Variants in CSMD3 observed in about 807,000 individuals in gnomAD.
CSMD3 encodes CUB and Sushi multiple domains 3, also known as CUB and sushi domain-containing protein 3.
A neutral mutation model predicts 435.2 loss-of-function variants in CSMD3; 177 were observed. The observed-to-expected ratio is 0.41, with a 90% CI of 0.36 to 0.46. CSMD3 has a LOEUF of 0.46. Ranked by LOEUF, CSMD3 falls within the 20% of genes least tolerant of loss-of-function variation. The probability of loss-of-function intolerance (pLI) is 0.34; values close to 1 mark genes in which losing one functional copy is unlikely to be tolerated. For synonymous variants in CSMD3, 1,656 were observed against 1,520.5 expected (o/e 1.09, Z -2.07); for missense variants, 4,265 against 4,504.6 (o/e 0.95, Z 1.52).
intron 60 of CSMD3, 115 bp downstream of exon 60, chr8:112,265,296 T>C: frequency 1.8e-6 from 1 of 569,624 alleles, no homozygotes; most frequent in African/African-American, 1.9e-5. Flanking sequence ...ACTAGAAAAA[T>C]AAATGCAACC....
intron 38 of CSMD3, among the ~76,000 whole-genome samples, chr8:112,375,542 C>A (rs1444142680): frequency 2.0e-5 from 3 of 151,906 alleles, no homozygotes; most frequent in Non-Finnish European, 4.4e-5. Flanking sequence ...ATTATTAGCA[C>A]CTATTATGTG....
intron 4 of CSMD3, among the ~76,000 whole-genome samples, chr8:113,116,115 C>A (rs1477739473): frequency 6.6e-6 from 1 of 151,960 alleles, no homozygotes. Flanking sequence ...TTTCTTATAT[C>A]AGGATTAATA....
chr8:113,213,286 A>G (rs1453699250), intron 3 of CSMD3, among the ~76,000 whole-genome samples: 1 of 152,124 alleles, frequency 6.6e-6, no homozygotes, highest in African/African-American at 2.4e-5. Flanking sequence ...GCAGGGCATA[A>G]AAGATCAGAG....
At chr8:113,084,990 T>C (rs1338907029) in intron 5 of CSMD3, among the ~76,000 whole-genome samples, 1 of 152,076 alleles carries the variant, frequency 6.6e-6, no homozygotes, top group African/African-American at 2.4e-5. Flanking sequence ...GACTTAAATG[T>C]GTAAGACCAG....
chr8:113,207,613 C>T (rs1015174966), intron 3 of CSMD3, among the ~76,000 whole-genome samples: 3 of 151,990 alleles, frequency 2.0e-5, no homozygotes, highest in African/African-American at 7.3e-5. Context: ...AAACTCCTGA[C>T]CTCAGATGAT....
intron 1 of CSMD3, among the ~76,000 whole-genome samples, chr8:113,399,042 G>A (rs1275393697): frequency 7.3e-6 from 1 of 137,148 alleles, no homozygotes; most frequent in East Asian, 2.1e-4. Context: ...AGTAATTAGG[G>A]AAGGTAAAAT....
chr8:112,891,329 T>C (rs1245368940), intron 10 of CSMD3, among the ~76,000 whole-genome samples: 2 of 151,680 alleles, frequency 1.3e-5, no homozygotes, highest in Admixed American at 1.3e-4. Context: ...CACTCTGCCA[T>C]AGAGCCTCCT....
chr8:113,228,531 A>C (rs1471205665), intron 3 of CSMD3, among the ~76,000 whole-genome samples: 1 of 151,460 alleles, frequency 6.6e-6, no homozygotes, highest in Non-Finnish European at 1.5e-5. Flanking sequence ...GAATGCCATG[A>C]AAAGGGATTT....
At chr8:112,997,344 C>T (rs928601575) in intron 6 of CSMD3, among the ~76,000 whole-genome samples, 1 of 151,574 alleles carries the variant, frequency 6.6e-6, no homozygotes, top group African/African-American at 2.4e-5. Context: ...ATCTGTCTTA[C>T]CACATTTTAA....
At chr8:112,296,960 G>T (rs944710438) in intron 53 of CSMD3, among the ~76,000 whole-genome samples, 3 of 151,736 alleles carry the variant, frequency 2.0e-5, no homozygotes, top group African/African-American at 7.2e-5. Flanking sequence ...ACAGCTTTAT[G>T]CCAATACATT....
intron 27 of CSMD3, among the ~76,000 whole-genome samples, chr8:112,543,295 G>A (rs1439504271): frequency 2.6e-5 from 4 of 151,988 alleles, no homozygotes; most frequent in Non-Finnish European, 4.4e-5. Flanking sequence ...CAATCAACAG[G>A]GTGAAATGGC....
intron 61 of CSMD3, among the ~76,000 whole-genome samples, chr8:112,262,271 T>C (rs965979315): frequency 1.3e-5 from 2 of 152,152 alleles, no homozygotes; most frequent in Non-Finnish European, 2.9e-5. Flanking sequence ...ATATCACATA[T>C]GTATAAATGG....
chr8:112,880,626 G>C (rs1467016252), intron 10 of CSMD3, among the ~76,000 whole-genome samples: 1 of 152,040 alleles, frequency 6.6e-6, no homozygotes, highest in Non-Finnish European at 1.5e-5. Context: ...ATCTAAGGTC[G>C]TTGGGATTTG....
intron 3 of CSMD3, among the ~76,000 whole-genome samples, chr8:113,271,825 C>T (rs1392585277): frequency 6.6e-6 from 1 of 152,096 alleles, no homozygotes; most frequent in African/African-American, 2.4e-5. Context: ...GCTGCAGACC[C>T]TCAATGCCAG....
chr8:112,575,647 A>G (rs1358605382), intron 23 of CSMD3, among the ~76,000 whole-genome samples: 2 of 152,126 alleles, frequency 1.3e-5, no homozygotes, highest in Non-Finnish European at 2.9e-5. Flanking sequence ...TCTGTCTTCA[A>G]CAAAACCAAA....
intron 6 of CSMD3, among the ~76,000 whole-genome samples, chr8:113,014,169 G>A (rs1007704999): frequency 1.3e-5 from 2 of 152,150 alleles, no homozygotes; most frequent in African/African-American, 4.8e-5. Flanking sequence ...GTTAGTCACA[G>A]CTAACGTTCC....
chr8:113,267,725 A>G (rs2093483431), intron 3 of CSMD3, among the ~76,000 whole-genome samples: 1 of 151,846 alleles, frequency 6.6e-6, no homozygotes, highest in Non-Finnish European at 1.5e-5. Flanking sequence ...TATTGTACCC[A>G]GATGATGGCC....
intron 10 of CSMD3, among the ~76,000 whole-genome samples, chr8:112,905,267 T>G (rs1238148475): frequency 1.3e-5 from 2 of 150,772 alleles, no homozygotes; most frequent in African/African-American, 4.9e-5. Context: ...ACAAATCAAT[T>G]TATTAGACAA....
intron 13 of CSMD3, among the ~76,000 whole-genome samples, chr8:112,732,653 T>G (rs2077099054): frequency 7.2e-6 from 1 of 138,188 alleles, no homozygotes; most frequent in African/African-American, 2.8e-5. Context: ...TGAGCCAAGA[T>G]CATGCCACTC....
Sources: allele counts gnomAD v4.1 joint callset (sites outside exome capture counted in the v4.1 genomes callset), GRCh38; gene constraint gnomAD v4.1.1; transcripts MANE v1.5; gene names NCBI Gene and HGNC (gene_info 2026-07-23, HGNC 2026-07-21).